Variants in PDXDC1 observed in about 807,000 individuals in gnomAD.
PDXDC1 encodes pyridoxal-dependent decarboxylase domain-containing protein 1.
In PDXDC1, 42 loss-of-function variants were observed where a neutral mutation model predicts 100.1. The ratio of observed to expected loss-of-function variants is 0.42; its 90% CI spans 0.33 to 0.54. The LOEUF is 0.54. Ranked by LOEUF, PDXDC1 falls within the 20% of genes least tolerant of loss-of-function variation. The pLI, the probability that PDXDC1 is intolerant of heterozygous loss-of-function variation, is 0.10. For synonymous variants in PDXDC1, 260 were observed against 371.7 expected (o/e 0.70, Z 3.46); for missense variants, 636 against 979.2 (o/e 0.65, Z 4.68).
At chr16:15,080,277 A>C (rs1011172661) in intron 16 of PDXDC1, among the ~76,000 whole-genome samples, 1 of 152,218 alleles carries the variant, frequency 6.6e-6, no homozygotes, top group South Asian at 2.1e-4. Context: ...AATCATTTCA[A>C]TTATTCCCAG....
chr16:15,086,287 G>A, intron 16 of PDXDC1: 1 of 1,569,234 alleles, frequency 6.4e-7, no homozygotes, highest in Non-Finnish European at 8.7e-7. Flanking sequence ...GATAAAAGCA[G>A]CATGTTATTA....
At chr16:15,047,104 C>A in intron 16 of PDXDC1, 1 of 310,358 alleles carries the variant, frequency 3.2e-6, no homozygotes. Flanking sequence ...ATTTAACAAG[C>A]AACTGCGGGA....
intron 16 of PDXDC1, among the ~76,000 whole-genome samples, chr16:15,053,020 G>C (rs993033109): frequency 1.3e-5 from 2 of 152,144 alleles, no homozygotes; most frequent in South Asian, 4.1e-4. Context: ...GATGGCCACC[G>C]TCTATATTCA....
At chr16:14,993,264 TTA>T (rs1971250607) in intron 1 of PDXDC1, among the ~76,000 whole-genome samples, 1 of 152,078 alleles carries the variant, frequency 6.6e-6, no homozygotes, top group Non-Finnish European at 1.5e-5. Flanking sequence ...TTAACATTAG[TTA>T]TATCTCCTAA....
At chr16:15,100,222 A>G (rs1358418781) in intron 16 of PDXDC1, among the ~76,000 whole-genome samples, 1 of 152,214 alleles carries the variant, frequency 6.6e-6, no homozygotes, top group Admixed American at 6.5e-5. Flanking sequence ...TTTCTAAATA[A>G]CAAAACCAAT....
chr16:15,127,400 G>A (rs776813234), intron 16 of PDXDC1: 8 of 1,265,618 alleles, frequency 6.3e-6, no homozygotes, highest in Admixed American at 2.0e-5. Flanking sequence ...CTGGAAAGTG[G>A]CGGCTCTGGG....
chr16:15,081,625 G>C (rs985635240), intron 16 of PDXDC1, among the ~76,000 whole-genome samples: 1 of 152,142 alleles, frequency 6.6e-6, no homozygotes, highest in African/African-American at 2.4e-5. Context: ...ATTATTTGGG[G>C]ATCCTTTTCA....
At chr16:15,130,954 C>G (rs2048022247) in intron 16 of PDXDC1, 1 of 743,574 alleles carries the variant, frequency 1.3e-6, no homozygotes, top group South Asian at 1.6e-5. Context: ...CAGCTCCTCT[C>G]CGGCCAGGCC....
chr16:15,099,384 C>A (rs1238197181), intron 16 of PDXDC1, among the ~76,000 whole-genome samples: 14 of 133,958 alleles, frequency 1.0e-4, no homozygotes, highest in East Asian at 2.1e-4. Flanking sequence ...CGCAACACTG[C>A]ACTCCAGCCT....
intron 1 of PDXDC1, among the ~76,000 whole-genome samples, chr16:14,984,948 C>T (rs1339108377): frequency 6.6e-6 from 1 of 152,050 alleles, no homozygotes; most frequent in East Asian, 2.0e-4. Flanking sequence ...ATTCTTGGCT[C>T]ACTGCAACCT....
downstream of PDXDC1, among the ~76,000 whole-genome samples, chr16:15,141,694 T>G (rs1309660531): frequency 6.6e-6 from 1 of 152,162 alleles, no homozygotes; most frequent in African/African-American, 2.4e-5. Context: ...TGCTCCCCAC[T>G]GCCCATAAGG....
intron 16 of PDXDC1, chr16:15,104,292 A>G (rs1225305366): frequency 3.5e-5 from 51 of 1,463,186 alleles, no homozygotes; most frequent in Non-Finnish European, 4.2e-5. Context: ...AAACAAAGCA[A>G]TAACATAAGG....
chr16:15,041,564 T>A (rs1482746592), downstream of PDXDC1: 2 of 1,201,184 alleles, frequency 1.7e-6, no homozygotes, highest in Non-Finnish European at 2.5e-6. Context: ...ACTGCAAGAC[T>A]GGGGACAAAA....
chr16:15,073,100 T>C (rs767380006), intron 16 of PDXDC1: 1 of 1,602,058 alleles, frequency 6.2e-7, no homozygotes, highest in Non-Finnish European at 8.5e-7. Context: ...AAATCTGGCA[T>C]CTCAGTTTTT....
chr16:15,090,276 T>A (rs1260584203), intron 16 of PDXDC1, among the ~76,000 whole-genome samples: 1 of 151,900 alleles, frequency 6.6e-6, no homozygotes, highest in African/African-American at 2.4e-5. Flanking sequence ...GGGTAATTAC[T>A]ACAGTGATAA....
chr16:15,011,245 T>A (rs1285626037), intron 8 of PDXDC1, among the ~76,000 whole-genome samples: 3 of 152,282 alleles, frequency 2.0e-5, no homozygotes, highest in Non-Finnish European at 4.4e-5. Context: ...AGAAATAGAC[T>A]CATGTGAAGT....
At chr16:15,048,900 A>G (rs1454157959) in intron 16 of PDXDC1, among the ~76,000 whole-genome samples, 1 of 147,340 alleles carries the variant, frequency 6.8e-6, no homozygotes, top group Non-Finnish European at 1.5e-5. Context: ...CTGGGAGTAC[A>G]GGCACACACC....
At chr16:15,088,728 C>G (rs2046003467) in intron 16 of PDXDC1, among the ~76,000 whole-genome samples, 1 of 152,084 alleles carries the variant, frequency 6.6e-6, no homozygotes, top group African/African-American at 2.4e-5. Context: ...TTTCAGAAAA[C>G]TGAAAAACGT....
Position 15,104,610 on chromosome 16 carries a change from T to C in PDXDC1, c.1400-34269T>C, listed in dbSNP as rs770617679. On this transcript the variant is annotated intron_variant, in intron 16 of 16. Transcript: ENST00000535621. ...ATAGAGCAGACACTCCGCAGGTGTC[T>C]TGAGGCTCAGGGAGTTATCAGTTAT... 16 of 1,598,976 alleles carry C rather than the reference T, an allele frequency of 1.0e-5. No homozygotes were observed. In the East Asian group the frequency reaches 2.5e-4, roughly 25 times the overall value.
Sources: allele counts gnomAD v4.1 joint callset (sites outside exome capture counted in the v4.1 genomes callset), GRCh38; gene constraint gnomAD v4.1.1; transcripts MANE v1.5; gene names NCBI Gene and HGNC (gene_info 2026-07-23, HGNC 2026-07-21).